The following CSMD1 variants were observed in gnomAD, a reference collection of about 807,000 sequenced individuals.
CSMD1 encodes CUB and Sushi multiple domains 1.
Under a neutral mutation model 417.5 loss-of-function variants are expected in CSMD1, and 213 were observed. The observed-to-expected ratio is 0.51, with a 90% CI of 0.46 to 0.57. The LOEUF (loss-of-function observed/expected upper bound fraction) is 0.57, where lower values mean the gene tolerates loss of function less well. CSMD1 is among the 20% of genes least tolerant of loss of function. The pLI is 0.00. For synonymous variants in CSMD1, 2,862 were observed against 1,736.8 expected (o/e 1.65, Z -16.11); for missense variants, 6,923 against 4,529.7 (o/e 1.53, Z -15.17).
At chr8:4,164,306 A>G (rs906280071) in intron 3 of CSMD1, among the ~76,000 whole-genome samples, 1 of 152,204 alleles carries the variant, frequency 6.6e-6, no homozygotes, top group South Asian at 2.1e-4. Flanking sequence ...TAAATATAGA[A>G]TCCATCTACA....
intron 4 of CSMD1, among the ~76,000 whole-genome samples, chr8:4,000,020 C>T (rs188358949): frequency 6.6e-6 from 1 of 152,322 alleles, no homozygotes; most frequent in Admixed American, 6.5e-5. Context: ...AAACCAAACA[C>T]GAATAAAAAT....
intron 3 of CSMD1, among the ~76,000 whole-genome samples, chr8:4,033,130 G>A (rs1224333047): frequency 1.7e-3 from 137 of 80,588 alleles, no homozygotes; most frequent in South Asian, 2.2e-3. Flanking sequence ...TTTCCAATAT[G>A]AAAAAAAAAA....
At chr8:3,371,196 G>C (rs1390708119) in intron 18 of CSMD1, among the ~76,000 whole-genome samples, 1 of 152,072 alleles carries the variant, frequency 6.6e-6, no homozygotes, top group African/African-American at 2.4e-5. Context: ...GGACCTTTTG[G>C]CCTCCCAAAC....
intron 1 of CSMD1, among the ~76,000 whole-genome samples, chr8:4,950,372 G>C (rs936821704): frequency 2.0e-5 from 3 of 151,976 alleles, no homozygotes; most frequent in Non-Finnish European, 4.4e-5. Flanking sequence ...ATAAGTAGAG[G>C]GTTAATTCAT....
chr8:4,041,749 G>T (rs367900306), intron 3 of CSMD1, among the ~76,000 whole-genome samples: 1 of 152,074 alleles, frequency 6.6e-6, no homozygotes, highest in Non-Finnish European at 1.5e-5. Flanking sequence ...TTCTCAGTCA[G>T]GTGATGATGG....
rs1285892165 is a variant in CSMD1 at position 3,937,371 on chromosome 8, T to C, written c.818+60532A>G. ...TCATTAAAGGAGGAATCAACTGACGTGGTAAACTTTACTGTTGTCTTATTT... is the reference window on the plus strand; with the variant it reads ...TCATTAAAGGAGGAATCAACTGACGCGGTAAACTTTACTGTTGTCTTATTT... On this transcript the variant is annotated intron_variant, in intron 5 of 69. Transcript: ENST00000635120. Among the ~76,000 whole-genome samples, 3 of 152,152 alleles carry C rather than the reference T, an allele frequency of 2.0e-5. No individual in the cohort carries two copies. In the East Asian group the frequency reaches 5.8e-4, roughly 29 times the overall value.
intron 1 of CSMD1, among the ~76,000 whole-genome samples, chr8:4,792,602 G>C (rs1356357774): frequency 1.3e-5 from 2 of 152,122 alleles, no homozygotes; most frequent in Non-Finnish European, 2.9e-5. Flanking sequence ...CTGTTGAATA[G>C]AGTCTCTTAT....
intron 12 of CSMD1, among the ~76,000 whole-genome samples, chr8:3,447,733 G>C (rs961577613): frequency 6.6e-6 from 1 of 152,212 alleles, no homozygotes; most frequent in African/African-American, 2.4e-5. Flanking sequence ...GGATGGACAG[G>C]TCACTTGGAG....
intron 23 of CSMD1, among the ~76,000 whole-genome samples, chr8:3,316,492 A>C (rs1291245294): frequency 1.3e-5 from 2 of 151,594 alleles, no homozygotes; most frequent in Middle Eastern, 3.2e-3. Context: ...GGGACAAAGG[A>C]AACTAGTATA....
At chr8:3,763,796 G>A (rs1040560083) in intron 5 of CSMD1, among the ~76,000 whole-genome samples, 13 of 152,074 alleles carry the variant, frequency 8.5e-5, no homozygotes, top group Non-Finnish European at 1.0e-4. Flanking sequence ...TATTCTCAGA[G>A]GACCCAGGTC....
intron 1 of CSMD1, among the ~76,000 whole-genome samples, chr8:4,814,217 TGC>T (rs1491458254): frequency 6.6e-6 from 1 of 151,088 alleles, no homozygotes; most frequent in African/African-American, 2.4e-5. Flanking sequence ...TGTGTGTGTG[TGC>T]GTGTGCGTGT....
At chr8:3,010,398 C>G (rs1176326363) in intron 52 of CSMD1, among the ~76,000 whole-genome samples, 2 of 152,162 alleles carry the variant, frequency 1.3e-5, no homozygotes, top group Admixed American at 6.5e-5. Flanking sequence ...CAAAACCTGC[C>G]CTAGAGCGGG....
intron 11 of CSMD1, chr8:3,469,125 G>T: frequency 4.0e-6 from 1 of 250,212 alleles, no homozygotes; most frequent in East Asian, 9.9e-5. Context: ...CCCAGGTGCA[G>T]GAATTACAAT....
intron 26 of CSMD1, among the ~76,000 whole-genome samples, chr8:3,273,104 C>G (rs533821261): frequency 4.2e-4 from 64 of 152,024 alleles, no homozygotes; most frequent in Admixed American, 2.2e-3. Flanking sequence ...GAGATACGTC[C>G]CATCAATACC....
chr8:4,269,745 A>T (rs1804454562), intron 3 of CSMD1, among the ~76,000 whole-genome samples: 1 of 152,188 alleles, frequency 6.6e-6, no homozygotes, highest in Admixed American at 6.5e-5. Flanking sequence ...TTCTACTTAA[A>T]ACACTGCAAA....
intron 19 of CSMD1, among the ~76,000 whole-genome samples, chr8:3,368,973 C>T (rs1159029574): frequency 6.6e-6 from 1 of 152,112 alleles, no homozygotes; most frequent in Non-Finnish European, 1.5e-5. Flanking sequence ...TGAATAGATG[C>T]CTTTATTCCT....
At chr8:4,924,363 T>C (rs1190492001) in intron 1 of CSMD1, among the ~76,000 whole-genome samples, 3 of 152,228 alleles carry the variant, frequency 2.0e-5, no homozygotes, top group African/African-American at 7.2e-5. Context: ...TTTTCTGTTC[T>C]ATTTTTATTG....
At chr8:3,704,969 T>G (rs1000203070) in intron 7 of CSMD1, 1 of 152,252 alleles carries the variant, frequency 6.6e-6, no homozygotes, top group African/African-American at 2.4e-5. Context: ...ACTTTTATTT[T>G]TTAACATCTA....
Position 3,087,194 on chromosome 8 carries a change from G to A in CSMD1, c.7377C>T (p.Cys2459=). Residue 2459 remains cysteine (C), a synonymous_variant, in exon 49 of 70, where the codon TGC becomes TGT. Transcript: ENST00000635120. ...GGCCGACCATTCGGTATCCAGGCTTGCAAAAATAATGCACTTTGCTTCCAA... is the reference window on the plus strand; with the variant it reads ...GGCCGACCATTCGGTATCCAGGCTTACAAAAATAATGCACTTTGCTTCCAA... ...GAVGSKVHYF[C]KPGYRMVGHS... The A allele has an allele frequency of 1.9e-6, 3 of 1,613,978 alleles. No homozygotes were observed. Among genetic ancestry groups the A allele is most frequent in the South Asian group, 1.1e-5 (1 of 91,082 alleles).
Sources: allele counts gnomAD v4.1 joint callset (sites outside exome capture counted in the v4.1 genomes callset), GRCh38; gene constraint gnomAD v4.1.1; transcripts MANE v1.5; gene names NCBI Gene and HGNC (gene_info 2026-07-23, HGNC 2026-07-21).